Variants in MMP16 observed in about 807,000 individuals in gnomAD.
MMP16 encodes the protein matrix metallopeptidase 16.
MMP16 carries 12 observed loss-of-function variants against 67.8 expected under a neutral mutation model. That is an observed-to-expected ratio of 0.18 (90% CI 0.11 to 0.29). The LOEUF is 0.29. Among genes scored for constraint, MMP16 ranks in the 10% least tolerant of loss-of-function variants. MMP16 has a pLI of 1.00. For synonymous variants in MMP16, 249 were observed against 255.9 expected (o/e 0.97, Z 0.26); for missense variants, 475 against 765.7 (o/e 0.62, Z 4.48).
At chr8:88,320,373 T>C (rs1811440285) in intron 1 of MMP16, among the ~76,000 whole-genome samples, 1 of 152,148 alleles carries the variant, frequency 6.6e-6, no homozygotes, top group Non-Finnish European at 1.5e-5. Flanking sequence ...ACCACAATTA[T>C]TTCATTAGTT....
intron 3 of MMP16, among the ~76,000 whole-genome samples, chr8:88,185,677 G>A (rs952189842): frequency 6.6e-5 from 10 of 152,214 alleles, no homozygotes; most frequent in Middle Eastern, 3.4e-3. Context: ...CCTGCCCATT[G>A]GTTTAACAAG....
rs77778017 is a variant in MMP16, at chr8:88,143,469, A to G, written c.709+24200T>C. Among the ~76,000 whole-genome samples the G allele has an allele frequency of 7.8e-3, 1,191 of 152,188 alleles. 18 individuals are homozygous for G. The highest frequency in any genetic ancestry group is 0.075 in the Middle Eastern group (22 of 294). On this transcript the variant is annotated intron_variant, in intron 4 of 9. Coordinates refer to ENST00000286614, the MANE Select transcript of MMP16 (RefSeq NM_005941.5). ...TTTTAGATATATTGAGCAAATGCAA[A>G]ACTTATAATCTATTCTGTCTAAAAG...
intron 6 of MMP16, among the ~76,000 whole-genome samples, chr8:88,114,456 T>C (rs769297163): frequency 1.3e-5 from 2 of 151,980 alleles, no homozygotes; most frequent in Non-Finnish European, 2.9e-5. Flanking sequence ...TTAAAAGTAT[T>C]AATGTTCAAG....
chr8:88,323,777 A>G (rs747924534), intron 1 of MMP16, among the ~76,000 whole-genome samples: 1 of 151,954 alleles, frequency 6.6e-6, no homozygotes, highest in Non-Finnish European at 1.5e-5. Flanking sequence ...AAAAATGCTC[A>G]CAGCATACCA....
chr8:88,168,281 T>C (rs1009414505), intron 3 of MMP16, among the ~76,000 whole-genome samples: 32 of 152,282 alleles, frequency 2.1e-4, no homozygotes, highest in African/African-American at 7.2e-4. Context: ...ATTTGCCACA[T>C]GACCAAAGAG....
rs1405647360 is a variant in MMP16 at position 88,299,179 on chromosome 8, A to G, written c.132+27896T>C. Among the ~76,000 whole-genome samples, 4 of 152,176 alleles carry G rather than the reference A, an allele frequency of 2.6e-5. No individual in the cohort carries two copies. In the East Asian group the frequency reaches 5.8e-4, roughly 22 times the overall value. On this transcript the variant is annotated intron_variant, in intron 1 of 9. Coordinates refer to ENST00000286614, the MANE Select transcript of MMP16 (RefSeq NM_005941.5). The stretch of plus-strand genomic sequence containing the variant: ...GGAACGACACATGCATCTGTTCCCA[A>G]TTTGAAGAAAATATATTGCAAACAG...
chr8:88,173,178 A>C (rs1231792478), intron 3 of MMP16, among the ~76,000 whole-genome samples: 4 of 152,062 alleles, frequency 2.6e-5, no homozygotes, highest in African/African-American at 9.7e-5. Context: ...CAGCCTCCCG[A>C]GTAGCTGGGA....
intron 4 of MMP16, among the ~76,000 whole-genome samples, chr8:88,165,917 C>G (rs968597328): frequency 6.6e-6 from 1 of 152,106 alleles, no homozygotes; most frequent in Non-Finnish European, 1.5e-5. Flanking sequence ...GTCTTCAAAC[C>G]TGTTCTTAAA....
At chr8:88,101,535 A>G (rs1020025306) in intron 6 of MMP16, among the ~76,000 whole-genome samples, 2 of 151,888 alleles carry the variant, frequency 1.3e-5, no homozygotes, top group African/African-American at 2.4e-5. Flanking sequence ...CTTCAGCTCA[A>G]GGATATCAAG....
At chr8:88,303,629 G>A (rs1811166909) in intron 1 of MMP16, among the ~76,000 whole-genome samples, 1 of 152,220 alleles carries the variant, frequency 6.6e-6, no homozygotes, top group Non-Finnish European at 1.5e-5. Flanking sequence ...CATCTTTGCT[G>A]TTTCACAGCC....
chr8:88,123,846 T>A (rs1178087076), intron 4 of MMP16, among the ~76,000 whole-genome samples: 1 of 151,886 alleles, frequency 6.6e-6, no homozygotes, highest in Non-Finnish European at 1.5e-5. Context: ...ACACTACTGC[T>A]CTTCCATGGA....
chr8:88,047,968 G>A (rs1277375220), intron 8 of MMP16, among the ~76,000 whole-genome samples: 1 of 152,146 alleles, frequency 6.6e-6, no homozygotes, highest in East Asian at 1.9e-4. Flanking sequence ...TTTAAAGGAA[G>A]AGCCAAAGGA....
chr8:88,087,818 C>T (rs997979382), intron 6 of MMP16, among the ~76,000 whole-genome samples: 2 of 151,218 alleles, frequency 1.3e-5, no homozygotes, highest in South Asian at 4.2e-4. Flanking sequence ...TGGTTGCATG[C>T]CTGAGGTCCC....
intron 6 of MMP16, among the ~76,000 whole-genome samples, chr8:88,113,581 T>C (rs1809377905): frequency 6.6e-6 from 1 of 151,768 alleles, no homozygotes; most frequent in African/African-American, 2.4e-5. Flanking sequence ...AAAGATCAGA[T>C]ATGGGGTAAT....
rs946055249 is a variant in MMP16 at position 88,032,490 on chromosome 8, C to A, written c.*8971G>T. Reference sequence around the variant, plus strand: ...TAGACTAGTCAACCACTTTATTTAACAATGTGCTATGAGGCCTTGATTTAC... The same window carrying A: ...TAGACTAGTCAACCACTTTATTTAAAAATGTGCTATGAGGCCTTGATTTAC... On this transcript the variant is annotated 3_prime_UTR_variant, in exon 10 of 10. Transcript: ENST00000286614. 1.3e-5 allele frequency: 2 copies of A among 152,136 alleles called. No homozygotes were observed. The highest frequency in any genetic ancestry group is 4.8e-5 in the African/African-American group (2 of 41,458). The allele number at this position is 152,136 out of a possible 1,614,324, so 9.4% of individuals were successfully genotyped here. A position where few individuals can be genotyped will look rare whatever the true frequency, so the allele number is the denominator to read the frequency against.
rs1488421946 is a variant in MMP16, at chr8:88,063,351, G to A, written c.1223-7073C>T. ...AACCAGGAGCTGCAGAAACACTGAT[G>A]AAGGCAACACAAAAAGTTCCTGTCT... is the stretch of plus-strand genomic sequence containing the variant. On this transcript the variant is annotated intron_variant, in intron 7 of 9. Coordinates refer to ENST00000286614, the MANE Select transcript of MMP16 (RefSeq NM_005941.5). Among the ~76,000 whole-genome samples the A allele has an allele frequency of 5.3e-5, 8 of 152,172 alleles. No individual in the cohort carries two copies. In the East Asian group the frequency reaches 1.5e-3, roughly 29 times the overall value.
At chr8:88,228,146 G>A (rs1809800013) in intron 1 of MMP16, among the ~76,000 whole-genome samples, 1 of 152,068 alleles carries the variant, frequency 6.6e-6, no homozygotes, top group African/African-American at 2.4e-5. Context: ...AGGGAGCACT[G>A]AATCAAGCAT....
chr8:88,127,374 T>A (rs911538618), intron 4 of MMP16, among the ~76,000 whole-genome samples: 7 of 151,814 alleles, frequency 4.6e-5, no homozygotes, highest in African/African-American at 1.5e-4. Flanking sequence ...AGAAGACTGC[T>A]TCAGTAGACA....
At chr8:88,269,278 A>G (rs1810527586) in intron 1 of MMP16, among the ~76,000 whole-genome samples, 1 of 152,146 alleles carries the variant, frequency 6.6e-6, no homozygotes, top group African/African-American at 2.4e-5. Flanking sequence ...AGCACCATTT[A>G]CCCTGTTAAG....
Sources: allele counts gnomAD v4.1 joint callset (sites outside exome capture counted in the v4.1 genomes callset), GRCh38; gene constraint gnomAD v4.1.1; transcripts MANE v1.5; gene names NCBI Gene and HGNC (gene_info 2026-07-23, HGNC 2026-07-21).